SLIT3: variants seen among roughly 807,000 people sequenced by gnomAD.
The protein encoded by SLIT3 is slit homolog 3 protein.
A neutral mutation model predicts 184.0 loss-of-function variants in SLIT3; 68 were observed. That is an observed-to-expected ratio of 0.37 (90% CI 0.30 to 0.45). SLIT3 has a LOEUF of 0.45. Ranked by LOEUF, SLIT3 falls within the 20% of genes least tolerant of loss-of-function variation. The pLI is 1.00. For missense variants in SLIT3, 1,707 were observed against 2,026.0 expected (o/e 0.84, Z 3.02); for synonymous variants, 831 against 828.6 (o/e 1.00, Z -0.05).
intron 4 of SLIT3, among the ~76,000 whole-genome samples, chr5:168,893,424 T>G (rs896182315): frequency 3.9e-5 from 6 of 152,262 alleles, no homozygotes; most frequent in Admixed American, 2.6e-4. Flanking sequence ...TTGATTGTCA[T>G]AGCTAACACT....
chr5:169,225,253 A>C (rs905349169), intron 3 of SLIT3, among the ~76,000 whole-genome samples: 1 of 152,316 alleles, frequency 6.6e-6, no homozygotes, highest in South Asian at 2.1e-4. Flanking sequence ...AACTACTGGA[A>C]GTTTTTCTAG....
At chr5:169,129,612 A>G (rs987184596) in intron 4 of SLIT3, among the ~76,000 whole-genome samples, 1 of 152,196 alleles carries the variant, frequency 6.6e-6, no homozygotes, top group African/African-American at 2.4e-5. Flanking sequence ...GGATAAACTA[A>G]AAATAAGGTC....
chr5:168,811,338 C>A (rs1757150826), intron 8 of SLIT3, among the ~76,000 whole-genome samples: 1 of 152,140 alleles, frequency 6.6e-6, no homozygotes, highest in African/African-American at 2.4e-5. Flanking sequence ...AGGTTCCATT[C>A]TTTTTTTCCC....
chr5:169,111,819 T>G (rs916601867), intron 4 of SLIT3, among the ~76,000 whole-genome samples: 1 of 152,174 alleles, frequency 6.6e-6, no homozygotes, highest in African/African-American at 2.4e-5. Flanking sequence ...ATGTGACCAG[T>G]GTGTACTGCA....
intron 4 of SLIT3, among the ~76,000 whole-genome samples, chr5:169,055,555 G>C (rs1238438184): frequency 1.3e-5 from 2 of 152,162 alleles, no homozygotes; most frequent in African/African-American, 2.4e-5. Context: ...AAAGAAGTTG[G>C]AGAAGGTCGG....
At chr5:168,883,426 G>T (rs1760031104) in intron 4 of SLIT3, 90 bp from the exon 5 acceptor site, 1 of 1,004,252 alleles carries the variant, frequency 1.0e-6, no homozygotes, top group Non-Finnish European at 1.5e-6. Context: ...CCCCCACCCA[G>T]GCTGCTGCCT....
Position 168,696,318 on chromosome 5 carries a change from A to G in SLIT3, c.3056T>C (p.Val1019Ala). The G allele has an allele frequency of 6.2e-7, 1 of 1,614,112 alleles. No homozygotes were observed. Among genetic ancestry groups the G allele is most frequent in the African/African-American group, 1.3e-5 (1 of 75,028 alleles). Residue 1019 changes from valine (V) to alanine (A), a missense_variant, in exon 28 of 36, where the codon GTG becomes GCG. Transcript: ENST00000519560. Reference protein sequence around the residue: ...ATCVDGINNYVCICPPNYTGE... With the variant: ...ATCVDGINNYACICPPNYTGE... ...TGTGTAGTTAGGCGGACAGATACACACGTAGTTGTTGATCCCGTCCACGCA... is the reference window on the plus strand; with the variant it reads ...TGTGTAGTTAGGCGGACAGATACACGCGTAGTTGTTGATCCCGTCCACGCA...
intron 1 of SLIT3, among the ~76,000 whole-genome samples, chr5:169,290,730 A>C (rs1161202501): frequency 6.7e-6 from 1 of 150,320 alleles, no homozygotes; most frequent in Non-Finnish European, 1.5e-5. Flanking sequence ...GCTAGGGCAC[A>C]CGCTAAGGCA....
At chr5:169,107,954 T>C (rs992350674) in intron 4 of SLIT3, among the ~76,000 whole-genome samples, 3 of 152,202 alleles carry the variant, frequency 2.0e-5, no homozygotes, top group Non-Finnish European at 4.4e-5. Context: ...GGCTCTCCTA[T>C]CACCAAGCAG....
intron 21 of SLIT3, 41 bp from the exon 22 acceptor site, chr5:168,723,045 T>C: frequency 6.7e-7 from 1 of 1,503,606 alleles, no homozygotes; most frequent in African/African-American, 1.4e-5. Context: ...TTTGTCTTAG[T>C]TGCATCTGTA....
At chr5:169,036,005 T>C (rs921567418) in intron 4 of SLIT3, 9 of 152,258 alleles carry the variant, frequency 5.9e-5, no homozygotes, top group Non-Finnish European at 1.2e-4. Flanking sequence ...TGAAGACTTA[T>C]AAAGACTGTC....
chr5:169,010,680 C>T (rs62379470), intron 4 of SLIT3, among the ~76,000 whole-genome samples: 34,849 of 151,874 alleles, frequency 0.23, 4,459 homozygotes, highest in East Asian at 0.51. Flanking sequence ...GGTGGGCAGA[C>T]TGCCTGAGCT....
rs562515565 is a variant in SLIT3 at position 169,111,477 on chromosome 5, C to T, written c.413+82002G>A. Among the ~76,000 whole-genome samples the T allele has an allele frequency of 5.3e-4, 80 of 152,296 alleles. No individual in the cohort carries two copies. The South Asian group carries it at 9.1e-3, about 17-fold the overall frequency. On this transcript the variant is annotated intron_variant, in intron 4 of 35. Transcript: ENST00000519560. ...CATTAAGACTTTACTCATGGCTAGG[C>T]GTGGTGGCTCACACCTGTAATCCCA...
chr5:169,016,280 C>T (rs1756372445), intron 4 of SLIT3, among the ~76,000 whole-genome samples: 1 of 152,100 alleles, frequency 6.6e-6, no homozygotes, highest in African/African-American at 2.4e-5. Flanking sequence ...GCAATAAATA[C>T]AGCCCCTGCA....
At chr5:168,861,423 C>A (rs902217692) in intron 5 of SLIT3, among the ~76,000 whole-genome samples, 1 of 150,792 alleles carries the variant, frequency 6.6e-6, no homozygotes, top group African/African-American at 2.4e-5. Flanking sequence ...CACCAGCCCG[C>A]CCAATTTGCC....
chr5:169,299,809 A>G (rs1413108672), intron 1 of SLIT3, among the ~76,000 whole-genome samples: 1 of 152,228 alleles, frequency 6.6e-6, no homozygotes, highest in African/African-American at 2.4e-5. Context: ...TTGTAAGATT[A>G]TAACGCTCGG....
intron 4 of SLIT3, among the ~76,000 whole-genome samples, chr5:169,167,384 C>T (rs1298234069): frequency 6.7e-6 from 1 of 148,992 alleles, no homozygotes; most frequent in Non-Finnish European, 1.5e-5. Flanking sequence ...GCGCCATTCT[C>T]CTGCCTCAGC....
chr5:168,985,338 G>T (rs1755086541), intron 4 of SLIT3, among the ~76,000 whole-genome samples: 1 of 152,162 alleles, frequency 6.6e-6, no homozygotes, highest in South Asian at 2.1e-4. Context: ...GACTTCCTAA[G>T]ATCTTGGATC....
intron 1 of SLIT3, among the ~76,000 whole-genome samples, chr5:169,261,101 T>G (rs978699953): frequency 3.9e-5 from 6 of 152,232 alleles, no homozygotes; most frequent in Admixed American, 1.3e-4. Flanking sequence ...GCCCAGGGGC[T>G]GTCGTTTATA....
Sources: gnomAD v4.1 joint callset for allele counts (sites outside exome capture counted in the v4.1 genomes callset) on GRCh38, gnomAD v4.1.1 for gene constraint, MANE v1.5 for transcripts, NCBI Gene and HGNC (gene_info 2026-07-23, HGNC 2026-07-21) for gene names.